Variants in HNF1A observed in about 807,000 individuals in gnomAD.
HNF1A encodes the protein hepatocyte nuclear factor 1-alpha.
HNF1A carries 21 observed loss-of-function variants against 62.2 expected under a neutral mutation model. The observed-to-expected ratio is 0.34, with a 90% CI of 0.24 to 0.49. The LOEUF (loss-of-function observed/expected upper bound fraction) is 0.49, where lower values mean the gene tolerates loss of function less well. HNF1A is among the 20% of genes least tolerant of loss of function. The pLI is 0.99. For missense variants in HNF1A, 687 were observed against 832.3 expected, an observed-to-expected ratio of 0.83 and a Z score of 2.15; for synonymous variants, 374 against 366.8, an observed-to-expected ratio of 1.02 and a Z score of -0.22.
intron 2 of HNF1A, among the ~76,000 whole-genome samples, chr12:120,993,088 A>G (rs1225928579): frequency 6.6e-6 from 1 of 152,232 alleles, no homozygotes; most frequent in Non-Finnish European, 1.5e-5. Context: ...AAAGCTGAAT[A>G]TAATTCTGAA....
At chr12:120,997,224 A>G (rs1418334775) in intron 6 of HNF1A, 2 of 1,423,134 alleles carry the variant, frequency 1.4e-6, no homozygotes, top group African/African-American at 1.4e-5. Context: ...CAGTTTGACA[A>G]CTTTTGAACA....
Position 120,999,401 on chromosome 12 carries a change from G to T in HNF1A, c.1623+12G>T. The T allele has an allele frequency of 6.2e-7, 1 of 1,613,816 alleles. No individual in the cohort carries two copies. ...CGCCCACCAAGCAGGTAAGGTCCAG[G>T]CCTGCTGGCCCTCCCTTGGCCTGTG... On this transcript the variant is annotated intron_variant, in intron 8 of 9. Transcript: ENST00000257555.
rs1247880851 is a variant in HNF1A, at chr12:121,001,756, C to T, written c.*564C>T. 1.9e-6 allele frequency: 1 copy of T among 534,498 alleles called. No individual in the cohort carries two copies. Among genetic ancestry groups the T allele is most frequent in the Non-Finnish European group, 3.6e-6 (1 of 275,624 alleles). The allele number at this position is 534,498 out of a possible 1,614,324, so 33.1% of individuals were successfully genotyped here. A position where few individuals can be genotyped will look rare whatever the true frequency, so the allele number is the denominator to read the frequency against. ...CCATCACCTACTCACACAGGCATTT[C>T]CTGGGTGGCTACTCTGTGCCAGAGC... On this transcript the variant is annotated 3_prime_UTR_variant, in exon 10 of 10. Coordinates refer to ENST00000257555, the MANE Select transcript of HNF1A (RefSeq NM_000545.8).
In HNF1A at chr12:120,996,256, C is replaced by T; in HGVS notation, c.956-6C>T. On this transcript the variant is annotated splice_polypyrimidine_tract_variant and splice_region_variant and intron_variant, in intron 4 of 9. Transcript: ENST00000257555. This position sits in a 1 kb window ranked among gnomAD's most constrained non-coding sequence, Gnocchi z 4.5. ...TGCTGAGGCAGGACACTGCTTCCCT[C>T]TCCAGGTGTGCGCTATGGACAGCCT... 1 of 1,614,012 alleles carries T rather than the reference C, an allele frequency of 6.2e-7. No homozygotes were observed. Among genetic ancestry groups the T allele is most frequent in the Non-Finnish European group, 8.5e-7 (1 of 1,180,010 alleles).
Position 120,997,570 on chromosome 12 carries a change from A to T in HNF1A, c.1406A>T (p.His469Leu), listed in dbSNP as rs1593061780. 2 of 1,613,504 alleles carry T rather than the reference A, an allele frequency of 1.2e-6. No individual in the cohort carries two copies. Among genetic ancestry groups the T allele is most frequent in the Non-Finnish European group, 1.7e-6 (2 of 1,179,946 alleles). ...CCCGTCCAGTTCTCCCAGCCGCTGCACCCCTCCTACCAGCAGCCGCTCATG... is the reference window on the plus strand; with the variant it reads ...CCCGTCCAGTTCTCCCAGCCGCTGCTCCCCTCCTACCAGCAGCCGCTCATG... ...LQPVQFSQPL[H>L]PSYQQPLMPP... Residue 469 changes from histidine to leucine, a missense_variant, in exon 7 of 10, where the codon CAC (histidine) becomes CTC (leucine). Coordinates refer to ENST00000257555, the MANE Select transcript of HNF1A (RefSeq NM_000545.8).
chr12:120,991,235 G>T lies in HNF1A; in HGVS notation c.526+2203G>T, dbSNP rs75988658. Among the ~76,000 whole-genome samples the T allele has an allele frequency of 2.5e-3, 386 of 152,240 alleles. 2 individuals are homozygous for T. Among genetic ancestry groups the T allele is most frequent in the African/African-American group, 9.0e-3 (372 of 41,538 alleles). On this transcript the variant is annotated intron_variant, in intron 2 of 9. Transcript: ENST00000257555. Reference sequence around the variant, plus strand: ...AAAATCTTGGGTACATATTGGCATAGTTCCTTCCAAAGAAGTTATATCAAT... The same window carrying T: ...AAAATCTTGGGTACATATTGGCATATTTCCTTCCAAAGAAGTTATATCAAT...
chr12:120,989,447 CG>C (rs1876702969), intron 2 of HNF1A, among the ~76,000 whole-genome samples: 1 of 151,926 alleles, frequency 6.6e-6, no homozygotes, highest in South Asian at 2.1e-4. Flanking sequence ...TTAGTAGAGA[CG>C]GGGGTTTCAC....
intron 1 of HNF1A, among the ~76,000 whole-genome samples, chr12:120,984,945 CTTTTT>C (rs34738791): frequency 7.7e-6 from 1 of 130,690 alleles, no homozygotes. Context: ...AGTTCTCAGA[CTTTTT>C]TTTTTTTTTT....
chr12:120,989,074 A>G (rs1193636750), intron 2 of HNF1A, 42 bp downstream of exon 2: 2 of 1,585,752 alleles, frequency 1.3e-6, no homozygotes, highest in Admixed American at 1.7e-5. Flanking sequence ...GGGAGGGCCC[A>G]GGACTCTCCC....
chr12:120,998,620 C>G (rs1341330205), intron 7 of HNF1A, among the ~76,000 whole-genome samples: 1 of 152,046 alleles, frequency 6.6e-6, no homozygotes, highest in Non-Finnish European at 1.5e-5. Flanking sequence ...TTATCTGAGT[C>G]ACTGTGAGAA....
intron 4 of HNF1A, among the ~76,000 whole-genome samples, chr12:120,995,587 A>G (rs1877056363): frequency 6.7e-6 from 1 of 148,270 alleles, no homozygotes; most frequent in South Asian, 2.2e-4. Context: ...AGTCTACTCC[A>G]TTCACTCCAC....
At position 120,997,219 on chromosome 12, in the gene HNF1A, T is replaced by C. The variant is rs2135847043; in HGVS notation, c.1310-255T>C. 2 of 1,422,960 alleles carry C rather than the reference T, an allele frequency of 1.4e-6. 1 individual carries two copies. The highest frequency in any genetic ancestry group is 3.1e-5 in the South Asian group (2 of 64,460). 88.1% of individuals were successfully genotyped at this position (1,422,960 alleles called of 1,614,324 possible). Reference sequence around the variant, plus strand: ...CCCAGGGCTCCAGGGAACCGCAGTTTGACAACTTTTGAACAAGTCACCGCC... The same window carrying C: ...CCCAGGGCTCCAGGGAACCGCAGTTCGACAACTTTTGAACAAGTCACCGCC... On this transcript the variant is annotated intron_variant, in intron 6 of 9. Coordinates refer to ENST00000257555, the MANE Select transcript of HNF1A (RefSeq NM_000545.8).
At chr12:120,979,132 C>A in intron 1 of HNF1A, 38 bp downstream of exon 1, 1 of 1,561,586 alleles carries the variant, frequency 6.4e-7, no homozygotes, top group Non-Finnish European at 8.7e-7. Flanking sequence ...CCAGGAGAGC[C>A]TAGAGGGGCC....
chr12:120,997,451 G>A (rs1316673227), intron 6 of HNF1A, 23 bp from the exon 7 acceptor site: 2 of 1,589,780 alleles, frequency 1.3e-6, no homozygotes, highest in Non-Finnish European at 1.7e-6. Context: ...GGGCCCAGCT[G>A]ATTCCCTCCC....
At chr12:120,987,561 G>A (rs2135830220) in intron 1 of HNF1A, among the ~76,000 whole-genome samples, 1 of 150,552 alleles carries the variant, frequency 6.6e-6, no homozygotes, top group East Asian at 1.9e-4. Flanking sequence ...ACAGCCAAGG[G>A]TGCAGATTTT....
chr12:121,002,301 A>AGG lies in HNF1A; in HGVS notation c.*1110_*1111dup, dbSNP rs1877551279. 1 of 445,124 alleles carries AGG rather than the reference A, an allele frequency of 2.2e-6. No individual in the cohort carries two copies. Among genetic ancestry groups the AGG allele is most frequent in the Non-Finnish European group, 4.3e-6 (1 of 234,844 alleles). The allele number at this position is 445,124 out of a possible 1,614,324, so 27.6% of individuals were successfully genotyped here. A position where few individuals can be genotyped will look rare whatever the true frequency, so the allele number is the denominator to read the frequency against. On this transcript the variant is annotated 3_prime_UTR_variant, in exon 10 of 10. Transcript: ENST00000257555. ...GGAGTCTGAGGTCCTGAGCACTGCCAGGAGGGACAAAGGAGCCTGTGAACC... is the reference window on the plus strand; with the variant it reads ...GGAGTCTGAGGTCCTGAGCACTGCCAGGGGAGGGACAAAGGAGCCTGTGAACC...
chr12:120,988,443 T>C (rs1876637827), intron 1 of HNF1A, among the ~76,000 whole-genome samples: 1 of 152,014 alleles, frequency 6.6e-6, no homozygotes, highest in East Asian at 1.9e-4. Flanking sequence ...CACCCATCCA[T>C]CCATCCGTCC....
intron 1 of HNF1A, among the ~76,000 whole-genome samples, chr12:120,988,077 A>AT (rs1876609742): frequency 4.0e-5 from 2 of 49,540 alleles, no homozygotes; most frequent in Non-Finnish European, 4.1e-5. Context: ...CCATCCACCC[A>AT]CCCACCCACC....
rs766132569 is a variant in HNF1A, at chr12:120,999,476, C to G, written c.1624-7C>G. ...CCCGGGCTCAGGAGGCTGCTCTGCT[C>G]CCCCAGGTCTTCACCTCAGACACTG... On this transcript the variant is annotated splice_polypyrimidine_tract_variant and splice_region_variant and intron_variant, in intron 8 of 9. Transcript: ENST00000257555. The G allele has an allele frequency of 5.6e-6, 9 of 1,613,750 alleles. No individual in the cohort carries two copies. Among genetic ancestry groups the G allele is most frequent in the African/African-American group, 1.3e-5 (1 of 74,932 alleles).
Sources: gnomAD v4.1 joint callset for allele counts (sites outside exome capture counted in the v4.1 genomes callset) on GRCh38, gnomAD v4.1.1 for gene constraint, Gnocchi (gnomAD v3.1) non-coding constraint, MANE v1.5 for transcripts, NCBI Gene and HGNC (gene_info 2026-07-23, HGNC 2026-07-21) for gene names.